The following BTNL2 variants were observed in gnomAD, a reference collection of about 807,000 sequenced individuals.
BTNL2 encodes the protein butyrophilin like 2.
BTNL2 carries 46 observed loss-of-function variants against 46.8 expected under a neutral mutation model. The ratio of observed to expected loss-of-function variants is 0.98; its 90% CI spans 0.78 to 1.26. The LOEUF (loss-of-function observed/expected upper bound fraction) is 1.26. BTNL2 is among the 50% of genes most tolerant of loss of function. BTNL2 has a pLI of 0.00. For missense variants in BTNL2, 461 were observed against 592.6 expected, an observed-to-expected ratio of 0.78 and a Z score of 2.31; for synonymous variants, 226 against 229.1, an observed-to-expected ratio of 0.99 and a Z score of 0.12.
chr6:32,394,934 G>C lies in BTNL2; in HGVS notation c.1170C>G (p.Pro390=). The C allele has an allele frequency of 6.2e-7, 1 of 1,614,148 alleles. No homozygotes were observed. The highest frequency in any genetic ancestry group is 8.5e-7 in the Non-Finnish European group (1 of 1,180,014). ...CTTCCATGTCCCTCCATGGCACGTGGGGCTGTGGGAACCACCCATCTGAAG... is the reference window on the plus strand; with the variant it reads ...CTTCCATGTCCCTCCATGGCACGTGCGGCTGTGGGAACCACCCATCTGAAG... The part of the protein sequence containing the change: ...MCSSDGWFPQ[P]HVPWRDMEGK... The change falls in exon 6 of 8, where the codon CCC becomes CCG. Residue 390 remains proline, a synonymous_variant. Coordinates refer to ENST00000454136, the MANE Select transcript of BTNL2 (RefSeq NM_001304561.2). The surrounding 1 kb of genome is among the most constrained non-coding windows in gnomAD (Gnocchi z 4.6).
Position 32,396,564 on chromosome 6 carries a change from C to G in BTNL2, c.731-178G>C. On this transcript the variant is annotated intron_variant, in intron 4 of 7. Coordinates refer to ENST00000454136, the MANE Select transcript of BTNL2 (RefSeq NM_001304561.2). This position sits in a 1 kb window ranked among gnomAD's most constrained non-coding sequence, Gnocchi z 4.4. ...TGGACTCAGAATAGAGGTTGCTCTTCTTTAAGGAGGAATCATTCCATGATG... is the reference window on the plus strand; with the variant it reads ...TGGACTCAGAATAGAGGTTGCTCTTGTTTAAGGAGGAATCATTCCATGATG... 1 of 639,558 alleles carries G rather than the reference C, an allele frequency of 1.6e-6. No homozygotes were observed. The highest frequency in any genetic ancestry group is 2.8e-6 in the Non-Finnish European group (1 of 362,604). 39.6% of individuals were successfully genotyped at this position (639,558 alleles called of 1,614,324 possible).
chr6:32,401,809 GA>G lies in BTNL2; in HGVS notation c.710-5del. ...CCCAGCTCAGTCTGGAGTTTCTCTGGAAAAAGAACAAGAATAACATATTAAG... is the reference window on the plus strand; with the variant it reads ...CCCAGCTCAGTCTGGAGTTTCTCTGGAAAAGAACAAGAATAACATATTAAG... On this transcript the variant is annotated splice_region_variant and splice_polypyrimidine_tract_variant and intron_variant, in intron 3 of 7. Transcript: ENST00000454136. 1.2e-6 allele frequency: 2 copies of G among 1,610,160 alleles called. No individual in the cohort carries two copies. The highest frequency in any genetic ancestry group is 1.7e-6 in the Non-Finnish European group (2 of 1,178,086).
chr6:32,397,686 TGCATTA>T (rs766834519), intron 4 of BTNL2, among the ~76,000 whole-genome samples: 2 of 152,240 alleles, frequency 1.3e-5, no homozygotes, highest in Non-Finnish European at 2.9e-5. Flanking sequence ...CAAAATAGTT[TGCATTA>T]AGTGCCTGGA....
chr6:32,403,082 C>A lies in BTNL2; in HGVS notation c.562G>T (p.Val188Leu), dbSNP rs9461742. The change falls in exon 3 of 8, where the codon GTG (valine) becomes TTG (leucine). Residue 188 changes from valine to leucine, a missense_variant. By Grantham distance (32) the Val-to-Leu change is conservative (BLOSUM62 1). Transcript: ENST00000454136. ...TTATCTTGGATGCGATGCTCAGACACGGCCAGCAGCTTCTCTCCCCGGATG... is the reference window on the plus strand; with the variant it reads ...TTATCTTGGATGCGATGCTCAGACAAGGCCAGCAGCTTCTCTCCCCGGATG... ...EDIRGEKLLA[V>L]SEHRIQDKDG... 1 of 1,612,898 alleles carries A rather than the reference C, an allele frequency of 6.2e-7. No homozygotes were observed. Among genetic ancestry groups the A allele is most frequent in the Non-Finnish European group, 8.5e-7 (1 of 1,179,952 alleles).
Position 32,394,350 on chromosome 6 carries a change from C to T in BTNL2, c.1361-293G>A, listed in dbSNP as rs369981332. Among the ~76,000 whole-genome samples, 6 of 152,176 alleles carry T rather than the reference C, an allele frequency of 3.9e-5. No individual in the cohort carries two copies. The highest frequency in any genetic ancestry group is 1.9e-4 in the East Asian group (1 of 5,196). ...GAGGAAAGGATAAAATTACTCAAGC[C>T]GCAACCATGAAGATGGTATTAATAA... On this transcript the variant is annotated intron_variant, in intron 6 of 7. Transcript: ENST00000454136. The surrounding 1 kb of genome is among the most constrained non-coding windows in gnomAD (Gnocchi z 4.6).
At chr6:32,402,879 C>T (rs954120367) in intron 3 of BTNL2, 56 bp downstream of exon 3, 8 of 1,569,068 alleles carry the variant, frequency 5.1e-6, no homozygotes, top group Non-Finnish European at 7.0e-6. Context: ...ATGGTGCAGT[C>T]CCTGGGACCT....
At chr6:32,398,388 C>T (rs1205150149) in intron 4 of BTNL2, among the ~76,000 whole-genome samples, 3 of 152,190 alleles carry the variant, frequency 2.0e-5, no homozygotes, top group African/African-American at 7.2e-5. Flanking sequence ...CAGATTATTA[C>T]CTTCCATTCC....
chr6:32,393,911 C>T lies in BTNL2; in HGVS notation c.*6+52G>A. ...GAAAAGGGAGGCTCGGGGAAGTACG[C>T]AGTACGGTTCCCACTGCAGTGTGCT... On this transcript the variant is annotated intron_variant, in intron 7 of 7. Transcript: ENST00000454136. The surrounding 1 kb of genome is among the most constrained non-coding windows in gnomAD (Gnocchi z 4.8). The T allele has an allele frequency of 6.5e-7, 1 of 1,541,580 alleles. No individual in the cohort carries two copies. Among genetic ancestry groups the T allele is most frequent in the Non-Finnish European group, 8.8e-7 (1 of 1,142,798 alleles).
chr6:32,405,370 T>TG, intron 1 of BTNL2, 84 bp from the exon 2 acceptor site: 1 of 1,225,288 alleles, frequency 8.2e-7, no homozygotes, highest in Non-Finnish European at 1.2e-6. Context: ...CCTGTCAAAA[T>TG]GGAGGCAACT....
intron 4 of BTNL2, among the ~76,000 whole-genome samples, chr6:32,401,203 G>A (rs1458808514): frequency 3.3e-4 from 15 of 44,786 alleles, no homozygotes; most frequent in Admixed American, 3.3e-3. Flanking sequence ...GCAAGACTCC[G>A]TCTCAAAAAA....
At chr6:32,402,382 T>C (rs538425134) in intron 3 of BTNL2, among the ~76,000 whole-genome samples, 31 of 152,112 alleles carry the variant, frequency 2.0e-4, no homozygotes, top group Non-Finnish European at 4.0e-4. Flanking sequence ...AGATGTCATG[T>C]TTATCATTGA....
At chr6:32,403,590 CAT>C in intron 2 of BTNL2, 2 of 199,994 alleles carry the variant, frequency 1.0e-5, no homozygotes, top group East Asian at 1.2e-4. Context: ...GTATTGGGCA[CAT>C]TGTCTGGTAT....
rs377753208 is a variant in BTNL2 at position 32,394,470 on chromosome 6, AAGAG to A, written c.1360+270_1360+273del. ...TTTCACATCAGAAGAAGAGAATTTA[AAGAG>A]AGAGAGTGAAAACAGGGTCAATTAC... is the stretch of plus-strand genomic sequence containing the variant. On this transcript the variant is annotated intron_variant, in intron 6 of 7. Coordinates refer to ENST00000454136, the MANE Select transcript of BTNL2 (RefSeq NM_001304561.2). This position sits in a 1 kb window ranked among gnomAD's most constrained non-coding sequence, Gnocchi z 4.6. 3.6e-5 allele frequency among the ~76,000 whole-genome samples: 4 copies of A among 109,790 alleles called. No individual in the cohort carries two copies. Among genetic ancestry groups the A allele is most frequent in the Non-Finnish European group, 8.1e-5 (4 of 49,428 alleles). The allele number at this position is 109,790 out of a possible 152,430, so 72.0% of individuals were successfully genotyped here. A position where few individuals can be genotyped will look rare whatever the true frequency, so the allele number is the denominator to read the frequency against.
intron 3 of BTNL2, 53 bp from the exon 4 acceptor site, chr6:32,401,858 G>C (rs1776803535): frequency 6.5e-7 from 1 of 1,526,782 alleles, no homozygotes; most frequent in Non-Finnish European, 9.0e-7. Context: ...AGGGAAAGGA[G>C]AGAAACTATT....
chr6:32,394,365 G>A lies in BTNL2; in HGVS notation c.1361-308C>T, dbSNP rs1776310974. Among the ~76,000 whole-genome samples the A allele has an allele frequency of 6.6e-6, 1 of 152,102 alleles. No individual in the cohort carries two copies. The highest frequency in any genetic ancestry group is 6.5e-5 in the Admixed American group (1 of 15,276). On this transcript the variant is annotated intron_variant, in intron 6 of 7. Transcript: ENST00000454136. The surrounding 1 kb of genome is among the most constrained non-coding windows in gnomAD (Gnocchi z 4.6). ...TTACTCAAGCCGCAACCATGAAGAT[G>A]GTATTAATAAAAATCAGTTTCTAAT...
intron 5 of BTNL2, among the ~76,000 whole-genome samples, chr6:32,395,627 A>C (rs1486926876): frequency 6.6e-6 from 1 of 152,226 alleles, no homozygotes; most frequent in Admixed American, 6.5e-5. Context: ...TGTCCCTGCC[A>C]AAACTGTCAA....
At chr6:32,395,970 T>C in intron 5 of BTNL2, 69 bp downstream of exon 5, 4 of 1,260,342 alleles carry the variant, frequency 3.2e-6, no homozygotes, top group Non-Finnish European at 4.4e-6. Context: ...AGAGAAATTG[T>C]CCAGGAACTA....
chr6:32,402,783 T>C, intron 3 of BTNL2, 152 bp downstream of exon 3: 1 of 848,574 alleles, frequency 1.2e-6, no homozygotes, highest in South Asian at 1.9e-5. Context: ...ATGTAGTGCG[T>C]ATATTTCCAG....
At position 32,394,199 on chromosome 6, in the gene BTNL2, C is replaced by T. The variant is rs1776295315; in HGVS notation, c.1361-142G>A. On this transcript the variant is annotated intron_variant, in intron 6 of 7. Transcript: ENST00000454136. This position sits in a 1 kb window ranked among gnomAD's most constrained non-coding sequence, Gnocchi z 4.6. ...GAAGCAGTTGGCCTGCTCCTCCCTG[C>T]TCTGGAGATGCAGAGGAGAGAATGC... 8.4e-7 allele frequency: 1 copy of T among 1,193,706 alleles called. No individual in the cohort carries two copies. Among genetic ancestry groups the T allele is most frequent in the African/African-American group, 1.5e-5 (1 of 65,190 alleles). The allele number at this position is 1,193,706 out of a possible 1,614,324, so 73.9% of individuals were successfully genotyped here.
Sources: allele counts gnomAD v4.1 joint callset (sites outside exome capture counted in the v4.1 genomes callset), GRCh38; gene constraint gnomAD v4.1.1; non-coding constraint Gnocchi (gnomAD v3.1); transcripts MANE v1.5; gene names NCBI Gene and HGNC (gene_info 2026-07-23, HGNC 2026-07-21).